Variants in SLC26A7 observed in about 807,000 individuals in gnomAD.
The protein encoded by SLC26A7 is solute carrier family 26 member 7.
Under a neutral mutation model 82.5 loss-of-function variants are expected in SLC26A7, and 59 were observed. The observed-to-expected ratio is 0.72, with a 90% CI of 0.58 to 0.89. The LOEUF (loss-of-function observed/expected upper bound fraction) is 0.89, where lower values mean the gene tolerates loss of function less well. SLC26A7 is among the 40% of genes least tolerant of loss of function. The pLI, the probability that SLC26A7 is intolerant of heterozygous loss-of-function variation, is 0.00. For missense variants in SLC26A7, 820 were observed against 793.0 expected, an observed-to-expected ratio of 1.03 and a Z score of -0.41; for synonymous variants, 271 against 274.3, an observed-to-expected ratio of 0.99 and a Z score of 0.12.
intron 1 of SLC26A7, among the ~76,000 whole-genome samples, chr8:91,216,426 G>T (rs1173885667): frequency 6.6e-6 from 1 of 152,162 alleles, no homozygotes; most frequent in Non-Finnish European, 1.5e-5. Context: ...AAGCAAATCA[G>T]ATGTCGAACT....
intron 4 of SLC26A7, among the ~76,000 whole-genome samples, chr8:91,305,107 G>C (rs1812267676): frequency 6.6e-6 from 1 of 152,132 alleles, no homozygotes; most frequent in South Asian, 2.1e-4. Context: ...CTATAGAACA[G>C]AGACTATTTG....
Position 91,396,381 on chromosome 8 carries a change from A to G in SLC26A7, c.*1284A>G, listed in dbSNP as rs1808573767. 1 of 152,004 alleles carries G rather than the reference A, an allele frequency of 6.6e-6. No individual in the cohort carries two copies. The highest frequency in any genetic ancestry group is 2.1e-4 in the South Asian group (1 of 4,836). 9.4% of individuals were successfully genotyped at this position (152,004 alleles called of 1,614,324 possible). ...AGGTACTTTAAAGTGAGTTTGAGAA[A>G]CAAGTTGAAACTAAAATTAAAATAC... is the stretch of plus-strand genomic sequence containing the variant. On this transcript the variant is annotated 3_prime_UTR_variant, in exon 19 of 19. Coordinates refer to ENST00000276609, the MANE Select transcript of SLC26A7 (RefSeq NM_052832.4).
chr8:91,343,234 A>G (rs1267082919), intron 8 of SLC26A7, 119 bp from the exon 9 acceptor site: 4 of 629,658 alleles, frequency 6.4e-6, no homozygotes, highest in African/African-American at 1.8e-5. Flanking sequence ...TTAAATCCCA[A>G]CTGGTGGGGA....
In SLC26A7 at chr8:91,363,044, T is replaced by C. The variant is rs960283434; in HGVS notation, c.1422-428T>C. On this transcript the variant is annotated intron_variant, in intron 12 of 18. Transcript: ENST00000276609. ...CTTTCCCTTAAAGCTGTTTGTGAAA[T>C]AATGTATTCTAAAAAATGTTGTTTT... 5.9e-5 allele frequency among the ~76,000 whole-genome samples: 9 copies of C among 152,102 alleles called. No homozygotes were observed. The East Asian group carries it at 1.7e-3, about 29-fold the overall frequency.
chr8:91,352,013 G>A lies in SLC26A7; in HGVS notation c.1218+126G>A, dbSNP rs1225458933. Reference sequence around the variant, plus strand: ...GTAGAAACCATGTTACAGAAGTAAAGTTTGAATGGGGGAGGTGTGGAAAGC... The same window carrying A: ...GTAGAAACCATGTTACAGAAGTAAAATTTGAATGGGGGAGGTGTGGAAAGC... On this transcript the variant is annotated intron_variant, in intron 10 of 18. Transcript: ENST00000276609. 6 of 776,314 alleles carry A rather than the reference G, an allele frequency of 7.7e-6. No homozygotes were observed. The East Asian group carries it at 1.5e-4, about 19-fold the overall frequency. 48.1% of individuals were successfully genotyped at this position (776,314 alleles called of 1,614,324 possible).
At chr8:91,279,034 A>G (rs1011609386) in intron 2 of SLC26A7, among the ~76,000 whole-genome samples, 1 of 150,536 alleles carries the variant, frequency 6.6e-6, no homozygotes, top group African/African-American at 2.4e-5. Context: ...ATGTCATTTA[A>G]TATGTCCTTC....
chr8:91,311,725 T>A (rs1284403430), intron 4 of SLC26A7, among the ~76,000 whole-genome samples: 1 of 152,124 alleles, frequency 6.6e-6, no homozygotes, highest in Non-Finnish European at 1.5e-5. Context: ...CTCCAGAGGA[T>A]TCTGTGGGCT....
At position 91,379,553 on chromosome 8, in the gene SLC26A7, A is replaced by T. The variant is rs531148505; in HGVS notation, c.1675+9720A>T. On this transcript the variant is annotated intron_variant, in intron 15 of 18. Transcript: ENST00000276609. ...ATTTATGACAAAAATGGCACTATAGAGCAATGGGAAAGGACAGTCTTGATG... is the reference window on the plus strand; with the variant it reads ...ATTTATGACAAAAATGGCACTATAGTGCAATGGGAAAGGACAGTCTTGATG... Among the ~76,000 whole-genome samples, 4 of 152,152 alleles carry T rather than the reference A, an allele frequency of 2.6e-5. No individual in the cohort carries two copies. The East Asian group carries it at 7.7e-4, about 29-fold the overall frequency.
At chr8:91,215,775 G>A (rs1056700034) in intron 1 of SLC26A7, among the ~76,000 whole-genome samples, 7 of 152,122 alleles carry the variant, frequency 4.6e-5, no homozygotes, top group Non-Finnish European at 8.8e-5. Context: ...ATTTGTCTTT[G>A]ACAAAATCAT....
intron 5 of SLC26A7, among the ~76,000 whole-genome samples, chr8:91,322,254 A>T (rs1339334326): frequency 6.6e-6 from 1 of 152,162 alleles, no homozygotes; most frequent in Non-Finnish European, 1.5e-5. Context: ...TATGTTTTTT[A>T]GTTTATTTTT....
intron 3 of SLC26A7, among the ~76,000 whole-genome samples, chr8:91,294,028 TAAG>T (rs1811948199): frequency 1.3e-5 from 2 of 152,222 alleles, no homozygotes; most frequent in Admixed American, 6.5e-5. Context: ...TATTTTGTGA[TAAG>T]GACAGTGGTC....
Position 91,289,136 on chromosome 8 carries a change from G to A in SLC26A7, c.194G>A (p.Gly65Glu). The change falls in exon 3 of 19, where the codon GGA (glycine) becomes GAA (glutamate). Residue 65 changes from glycine to glutamate, a missense_variant and splice_region_variant. By Grantham distance (98) the Gly-to-Glu change is moderately conservative. Coordinates refer to ENST00000276609, the MANE Select transcript of SLC26A7 (RefSeq NM_052832.4). ...IMLAVQQVTQ[G>E]LAFAVLSSVH... ...TTAATTACCCTAGTCTTCTTCACAG[G>A]ATTGGCCTTTGCTGTTCTCTCATCT... 4.3e-6 allele frequency: 7 copies of A among 1,610,598 alleles called. No homozygotes were observed. The highest frequency in any genetic ancestry group is 5.9e-6 in the Non-Finnish European group (7 of 1,176,880).
intron 2 of SLC26A7, among the ~76,000 whole-genome samples, chr8:91,260,655 C>G (rs1810937392): frequency 6.6e-6 from 1 of 152,050 alleles, no homozygotes; most frequent in Non-Finnish European, 1.5e-5. Flanking sequence ...GCCCATGCTC[C>G]TTCTGGTGGC....
chr8:91,332,023 C>T (rs980994768), intron 5 of SLC26A7, among the ~76,000 whole-genome samples: 2 of 151,032 alleles, frequency 1.3e-5, no homozygotes, highest in Admixed American at 1.3e-4. Flanking sequence ...TATTTAACCT[C>T]TTTTGATCTA....
At chr8:91,393,713 G>C (rs2130910281) in intron 16 of SLC26A7, 84 bp from the exon 17 acceptor site, 1 of 1,447,468 alleles carries the variant, frequency 6.9e-7, no homozygotes, top group Admixed American at 1.8e-5. Context: ...TTTAAAGAAA[G>C]TTTGATTTCT....
chr8:91,349,054 T>C lies in SLC26A7; in HGVS notation c.1141-2756T>C, dbSNP rs141317748. On this transcript the variant is annotated intron_variant, in intron 9 of 18. Coordinates refer to ENST00000276609, the MANE Select transcript of SLC26A7 (RefSeq NM_052832.4). Reference sequence around the variant, plus strand: ...CAAATTTCAGTGTCCTGGCTTCTTCTTTATGAAGAGAATGAATACCAGTAT... The same window carrying C: ...CAAATTTCAGTGTCCTGGCTTCTTCCTTATGAAGAGAATGAATACCAGTAT... Among the ~76,000 whole-genome samples the C allele has an allele frequency of 1.8e-3, 277 of 152,318 alleles. 2 individuals are homozygous for C. Among genetic ancestry groups the C allele is most frequent in the African/African-American group, 6.5e-3 (270 of 41,580 alleles).
At chr8:91,298,695 G>C (rs1321967176) in intron 4 of SLC26A7, among the ~76,000 whole-genome samples, 1 of 152,100 alleles carries the variant, frequency 6.6e-6, no homozygotes, top group Non-Finnish European at 1.5e-5. Flanking sequence ...TCTGATGTTT[G>C]TTAATTTTAA....
At chr8:91,383,644 A>G (rs998512702) in intron 15 of SLC26A7, among the ~76,000 whole-genome samples, 2 of 152,214 alleles carry the variant, frequency 1.3e-5, no homozygotes, top group African/African-American at 2.4e-5. Flanking sequence ...CTCAATTTTT[A>G]GAGACATCTT....
At chr8:91,277,907 A>G (rs532678232) in intron 2 of SLC26A7, among the ~76,000 whole-genome samples, 32 of 122,826 alleles carry the variant, frequency 2.6e-4, no homozygotes, top group African/African-American at 9.8e-4. Context: ...CTACTACCAT[A>G]TATCATTAGG....
Sources: allele counts gnomAD v4.1 joint callset (sites outside exome capture counted in the v4.1 genomes callset), GRCh38; gene constraint gnomAD v4.1.1; transcripts MANE v1.5; gene names NCBI Gene and HGNC (gene_info 2026-07-23, HGNC 2026-07-21).